SNTG1: variants seen among roughly 807,000 people sequenced by gnomAD.
SNTG1 encodes gamma-1-syntrophin.
A neutral mutation model predicts 74.7 loss-of-function variants in SNTG1; 39 were observed. That is an observed-to-expected ratio of 0.52 (90% CI 0.40 to 0.68). The LOEUF (loss-of-function observed/expected upper bound fraction) is 0.68, where lower values mean the gene tolerates loss of function less well. Among genes scored for constraint, SNTG1 ranks in the 30% least tolerant of loss-of-function variants. The pLI, the probability that SNTG1 is intolerant of heterozygous loss-of-function variation, is 0.00. For missense variants in SNTG1, 685 were observed against 609.5 expected, an observed-to-expected ratio of 1.12 and a Z score of -1.30; for synonymous variants, 254 against 217.1, an observed-to-expected ratio of 1.17 and a Z score of -1.49.
At chr8:50,668,379 T>G (rs937119806) in intron 15 of SNTG1, among the ~76,000 whole-genome samples, 2 of 151,682 alleles carry the variant, frequency 1.3e-5, no homozygotes, top group Non-Finnish European at 2.9e-5. Flanking sequence ...TCTTAAAAGT[T>G]CAAAGACATC....
chr8:50,151,715 T>C (rs949688794), intron 1 of SNTG1, among the ~76,000 whole-genome samples: 4 of 152,132 alleles, frequency 2.6e-5, no homozygotes, highest in African/African-American at 4.8e-5. Flanking sequence ...TGTAGTTGAT[T>C]GGTTTTGAGT....
intron 1 of SNTG1, among the ~76,000 whole-genome samples, chr8:49,923,698 T>G (rs978055520): frequency 6.6e-6 from 1 of 150,932 alleles, no homozygotes; most frequent in Non-Finnish European, 1.5e-5. Context: ...ACAAATCCAA[T>G]AAGGAGAAAA....
chr8:50,125,853 T>A (rs572574489), intron 1 of SNTG1, among the ~76,000 whole-genome samples: 3 of 152,132 alleles, frequency 2.0e-5, no homozygotes, highest in South Asian at 2.1e-4. Context: ...CATCATACAG[T>A]GTGCTCAGTG....
chr8:50,580,930 C>T (rs1408842766), intron 12 of SNTG1, among the ~76,000 whole-genome samples: 3 of 152,088 alleles, frequency 2.0e-5, no homozygotes, highest in Non-Finnish European at 4.4e-5. Flanking sequence ...GGACCTGATA[C>T]AGAAGTGACT....
At chr8:50,515,953 C>G (rs1450897174) in intron 9 of SNTG1, among the ~76,000 whole-genome samples, 2 of 152,174 alleles carry the variant, frequency 1.3e-5, no homozygotes, top group East Asian at 3.9e-4. Context: ...TGCTAAGGAA[C>G]AGATTCCCTC....
chr8:50,266,721 G>T (rs1317581006), intron 2 of SNTG1, among the ~76,000 whole-genome samples: 1 of 25,434 alleles, frequency 3.9e-5, no homozygotes, highest in African/African-American at 4.8e-5. Context: ...ATGTTAATAA[G>T]AAATTAAATA....
intron 1 of SNTG1, among the ~76,000 whole-genome samples, chr8:49,969,385 ATCTTTTTTTTTTTTTTT>A (rs1242162235): frequency 8.6e-6 from 1 of 116,628 alleles, no homozygotes; most frequent in Non-Finnish European, 1.7e-5. Context: ...AATTCATTTA[ATCTTTTTTTTTTTTTTT>A]TTTTTTTTTT....
chr8:50,227,479 C>A (rs1451723549), intron 2 of SNTG1, among the ~76,000 whole-genome samples: 1 of 152,138 alleles, frequency 6.6e-6, no homozygotes, highest in Non-Finnish European at 1.5e-5. Flanking sequence ...GTATTTCTCT[C>A]ACTCTAGTTC....
chr8:49,958,527 T>A (rs937027630), intron 1 of SNTG1, among the ~76,000 whole-genome samples: 2 of 151,890 alleles, frequency 1.3e-5, no homozygotes, highest in East Asian at 1.9e-4. Context: ...GTTCAAGCAG[T>A]TCTCTGCCTC....
rs199963937 is a variant in SNTG1, at chr8:50,689,089, A to ATTTTTGC, written c.1039-15511_1039-15510insTTTTTGC. On this transcript the variant is annotated intron_variant, in intron 15 of 18. Transcript: ENST00000642720. ...TTATTGGTGTATAAGAATGTTTGTG[A>ATTTTTGC]ACATTGATTTTGTATCCTGAGACTT... Among the ~76,000 whole-genome samples, 4 of 138,368 alleles carry ATTTTTGC rather than the reference A, an allele frequency of 2.9e-5. No homozygotes were observed. In the East Asian group the frequency reaches 6.6e-4, roughly 23 times the overall value. The allele number at this position is 138,368 out of a possible 152,430, so 90.8% of individuals were successfully genotyped here.
At chr8:50,344,900 G>T (rs1264826843) in intron 2 of SNTG1, among the ~76,000 whole-genome samples, 1 of 152,136 alleles carries the variant, frequency 6.6e-6, no homozygotes, top group East Asian at 1.9e-4. Flanking sequence ...GGTTCTTAAA[G>T]TGGGCCCTAA....
chr8:50,572,532 C>T (rs967263477), intron 12 of SNTG1, among the ~76,000 whole-genome samples: 6 of 152,050 alleles, frequency 3.9e-5, no homozygotes, highest in Admixed American at 6.6e-5. Context: ...CATCCTAAGG[C>T]ATTGATTTAC....
chr8:50,345,318 G>T (rs1319428831), intron 2 of SNTG1, among the ~76,000 whole-genome samples: 1 of 152,124 alleles, frequency 6.6e-6, no homozygotes, highest in Non-Finnish European at 1.5e-5. Context: ...CTGAAAGCTG[G>T]CAAGGTGCAT....
chr8:50,087,888 G>A (rs1390236765), intron 1 of SNTG1, among the ~76,000 whole-genome samples: 10 of 148,828 alleles, frequency 6.7e-5, no homozygotes, highest in Middle Eastern at 3.4e-3. Flanking sequence ...CCACTAACTC[G>A]TCATCTAGCA....
chr8:50,629,832 T>C (rs1261612360), intron 13 of SNTG1, among the ~76,000 whole-genome samples: 1 of 152,192 alleles, frequency 6.6e-6, no homozygotes, highest in East Asian at 1.9e-4. Flanking sequence ...TGGTAGTTGA[T>C]ACATCTTATA....
At chr8:50,724,702 G>T (rs1008087705) in intron 17 of SNTG1, among the ~76,000 whole-genome samples, 1 of 152,100 alleles carries the variant, frequency 6.6e-6, no homozygotes, top group African/African-American at 2.4e-5. Flanking sequence ...CAATTCAGGT[G>T]CACTTCAGGT....
rs192516979 is a variant in SNTG1, at chr8:50,597,139, G to A, written c.849+6222G>A. ...CTTGTATGAGATCAACTTTTTTTTC[G>A]ATAACACTGATGATTGAGATCATGT... On this transcript the variant is annotated intron_variant, in intron 13 of 18. Transcript: ENST00000642720. Among the ~76,000 whole-genome samples, 5 of 151,048 alleles carry A rather than the reference G, an allele frequency of 3.3e-5. No individual in the cohort carries two copies. In the East Asian group the frequency reaches 5.8e-4, roughly 18 times the overall value.
At chr8:50,329,245 G>A (rs1043019241) in intron 2 of SNTG1, among the ~76,000 whole-genome samples, 1 of 152,082 alleles carries the variant, frequency 6.6e-6, no homozygotes, top group Non-Finnish European at 1.5e-5. Flanking sequence ...CTGTCATTCT[G>A]GGGTATGGAG....
In SNTG1 at chr8:50,731,544, C is replaced by T. The variant is rs557705470; in HGVS notation, c.1285-20457C>T. 7.9e-5 allele frequency among the ~76,000 whole-genome samples: 12 copies of T among 152,172 alleles called. No homozygotes were observed. In the South Asian group the frequency reaches 2.5e-3, roughly 32 times the overall value. On this transcript the variant is annotated intron_variant, in intron 17 of 18. Transcript: ENST00000642720. ...TTTCTTACTAGCACCTGGTTTCTAA[C>T]CAAATCAAAGTGAATTAAATAAGCC...
Sources: allele counts gnomAD v4.1 joint callset (sites outside exome capture counted in the v4.1 genomes callset), GRCh38; gene constraint gnomAD v4.1.1; transcripts MANE v1.5; gene names NCBI Gene and HGNC (gene_info 2026-07-23, HGNC 2026-07-21).